CADM2: variants seen among roughly 807,000 people sequenced by gnomAD.
The protein encoded by CADM2 is cell adhesion molecule 2, also known as immunoglobulin superfamily member 4D.
Under a neutral mutation model 49.8 loss-of-function variants are expected in CADM2, and 12 were observed. The ratio of observed to expected loss-of-function variants is 0.24; its 90% confidence interval spans 0.15 to 0.39. The LOEUF (loss-of-function observed/expected upper bound fraction) is 0.39, where lower values mean the gene tolerates loss of function less well. CADM2 is among the 10% of genes least tolerant of loss of function. The pLI, the probability that CADM2 is intolerant of heterozygous loss-of-function variation, is 1.00. For missense variants in CADM2, 378 were observed against 492.3 expected (o/e 0.77, Z 2.20); for synonymous variants, 214 against 175.4 (o/e 1.22, Z -1.74).
chr3:85,769,527 ATGTATATATACACGTATATACATATATG>A (rs2069926806), intron 2 of CADM2, among the ~76,000 whole-genome samples: 2 of 117,634 alleles, frequency 1.7e-5, no homozygotes, highest in African/African-American at 7.4e-5. Flanking sequence ...ATATACATAT[ATGTATATATACACGTATATACATATATG>A]TATATATACA....
chr3:85,007,228 TGCAAAGATTAATATG>T lies in CADM2; in HGVS notation c.61+47564_61+47578del, dbSNP rs1232833687. On this transcript the variant is annotated intron_variant, in intron 1 of 9. Transcript: ENST00000383699. ...CAGGTAGTATTCAAGCTTGTAGTGA[TGCAAAGATTAATATG>T]GCAGTCTATCTTATTTAAGAATTTA... 3.9e-5 allele frequency among the ~76,000 whole-genome samples: 6 copies of T among 152,194 alleles called. No individual in the cohort carries two copies. In the East Asian group the frequency reaches 7.7e-4, roughly 20 times the overall value.
intron 1 of CADM2, among the ~76,000 whole-genome samples, chr3:85,080,829 T>C (rs2037134930): frequency 6.6e-6 from 1 of 152,064 alleles, no homozygotes; most frequent in Admixed American, 6.6e-5. Context: ...ATAAAACAAT[T>C]AAAAATATTT....
At chr3:85,372,496 C>T (rs2033322097) in intron 1 of CADM2, among the ~76,000 whole-genome samples, 1 of 150,452 alleles carries the variant, frequency 6.6e-6, no homozygotes, top group South Asian at 2.1e-4. Flanking sequence ...TTTATATATT[C>T]TTTATAGTTA....
intron 1 of CADM2, among the ~76,000 whole-genome samples, chr3:85,207,034 A>G (rs543803759): frequency 4.1e-5 from 6 of 147,880 alleles, no homozygotes; most frequent in Non-Finnish European, 8.9e-5. Context: ...AGAATCAGTT[A>G]CTTTGGAAGA....
chr3:85,368,069 C>A (rs555134249), intron 1 of CADM2, among the ~76,000 whole-genome samples: 2 of 152,124 alleles, frequency 1.3e-5, no homozygotes, highest in South Asian at 4.2e-4. Context: ...AATTTTGGTA[C>A]TTTTTATGGC....
At chr3:85,095,204 T>C (rs2037749040) in intron 1 of CADM2, among the ~76,000 whole-genome samples, 1 of 152,188 alleles carries the variant, frequency 6.6e-6, no homozygotes, top group South Asian at 2.1e-4. Context: ...TTTATGTTCT[T>C]GTAAAATCTA....
At chr3:85,041,696 A>G (rs924502592) in intron 1 of CADM2, among the ~76,000 whole-genome samples, 9 of 152,192 alleles carry the variant, frequency 5.9e-5, no homozygotes, top group Non-Finnish European at 1.3e-4. Context: ...ACCAGATCCA[A>G]TTCAGAGCCT....
chr3:85,725,482 A>T (rs2067663213), intron 1 of CADM2, among the ~76,000 whole-genome samples: 1 of 151,980 alleles, frequency 6.6e-6, no homozygotes, highest in South Asian at 2.1e-4. Context: ...CCTCCTTAAC[A>T]TCATTTAGAA....
intron 1 of CADM2, among the ~76,000 whole-genome samples, chr3:85,693,473 T>C (rs1467090824): frequency 7.2e-6 from 1 of 138,642 alleles, no homozygotes; most frequent in South Asian, 2.3e-4. Context: ...CCAGCAACTC[T>C]GGAGGCTGAG....
At chr3:85,493,886 AATTTTTT>A (rs1016111609) in intron 1 of CADM2, among the ~76,000 whole-genome samples, 1 of 152,148 alleles carries the variant, frequency 6.6e-6, no homozygotes, top group Admixed American at 6.5e-5. Context: ...AATAGAATGT[AATTTTTT>A]ATTTTTTATG....
intron 1 of CADM2, among the ~76,000 whole-genome samples, chr3:84,972,241 A>G (rs980710321): frequency 6.6e-6 from 1 of 152,228 alleles, no homozygotes; most frequent in Non-Finnish European, 1.5e-5. Flanking sequence ...GAACTTATGG[A>G]TGATTGCAAA....
intron 1 of CADM2, among the ~76,000 whole-genome samples, chr3:85,170,587 T>C (rs1010693276): frequency 1.5e-4 from 23 of 152,114 alleles, no homozygotes; most frequent in African/African-American, 5.6e-4. Context: ...TCCGTCTCCA[T>C]CTCCCATAGT....
At chr3:85,327,589 CCA>C (rs1553709187) in intron 1 of CADM2, among the ~76,000 whole-genome samples, 8,884 of 114,974 alleles carry the variant, frequency 0.077, 550 homozygotes, top group African/African-American at 0.18. Context: ...CACACACACA[CCA>C]CACACACACA....
At chr3:85,116,437 A>G (rs968050300) in intron 1 of CADM2, among the ~76,000 whole-genome samples, 1 of 152,122 alleles carries the variant, frequency 6.6e-6, no homozygotes, top group Non-Finnish European at 1.5e-5. Flanking sequence ...AAATAAGAAA[A>G]TTAAAATAAT....
chr3:85,551,804 A>G (rs1477328829), intron 1 of CADM2, among the ~76,000 whole-genome samples: 4 of 152,160 alleles, frequency 2.6e-5, no homozygotes, highest in South Asian at 4.1e-4. Context: ...ATATAATTTC[A>G]TAGAAATCAC....
At chr3:85,395,296 CAAAAAAA>C (rs58315220) in intron 1 of CADM2, among the ~76,000 whole-genome samples, 2 of 75,542 alleles carry the variant, frequency 2.6e-5, no homozygotes, top group Admixed American at 1.8e-4. Context: ...AGACTCCATA[CAAAAAAA>C]AAAAAAAAAA....
intron 1 of CADM2, among the ~76,000 whole-genome samples, chr3:85,074,844 C>T (rs2036881917): frequency 6.6e-6 from 1 of 151,172 alleles, no homozygotes; most frequent in Non-Finnish European, 1.5e-5. Context: ...TTTTTCTTCT[C>T]TATATTATGA....
chr3:85,214,277 C>A (rs1001458397), intron 1 of CADM2, among the ~76,000 whole-genome samples: 2 of 152,064 alleles, frequency 1.3e-5, no homozygotes, highest in African/African-American at 2.4e-5. Context: ...CCTTACTTTC[C>A]CACAAATAAA....
chr3:85,276,194 C>T (rs1258023171), intron 1 of CADM2, among the ~76,000 whole-genome samples: 2 of 151,316 alleles, frequency 1.3e-5, no homozygotes, highest in Admixed American at 1.3e-4. Flanking sequence ...GATACACACA[C>T]ATCACAATTC....
Sources: gnomAD v4.1 joint callset for allele counts (sites outside exome capture counted in the v4.1 genomes callset) on GRCh38, gnomAD v4.1.1 for gene constraint, MANE v1.5 for transcripts, NCBI Gene and HGNC (gene_info 2026-07-23, HGNC 2026-07-21) for gene names.